Variants in SPTBN1 observed in about 807,000 individuals in gnomAD.
The protein encoded by SPTBN1 is spectrin beta, non-erythrocytic 1.
A neutral mutation model predicts 266.4 loss-of-function variants in SPTBN1; 32 were observed. That is an observed-to-expected ratio of 0.12 (90% CI 0.09 to 0.16). SPTBN1 has a LOEUF of 0.16. SPTBN1 is among the 10% of genes least tolerant of loss of function. SPTBN1 has a pLI of 1.00. For missense variants in SPTBN1, 2,296 were observed against 3,067.1 expected, an observed-to-expected ratio of 0.75 and a Z score of 5.94; for synonymous variants, 1,336 against 1,162.2, an observed-to-expected ratio of 1.15 and a Z score of -3.04.
chr2:54,655,215 T>G lies in SPTBN1; in HGVS notation c.5961+7T>G. On this transcript the variant is annotated splice_region_variant and intron_variant, in intron 28 of 35. Transcript: ENST00000356805. ...ACACTATGCATCTGAGGAGGTAGGT[T>G]GCTACTTTGCTTTGGAGCTGCAGCT... The G allele has an allele frequency of 1.9e-6, 3 of 1,610,372 alleles. No homozygotes were observed. The highest frequency in any genetic ancestry group is 2.5e-6 in the Non-Finnish European group (3 of 1,178,602).
At chr2:54,623,305 A>G (rs1226392110) in intron 9 of SPTBN1, among the ~76,000 whole-genome samples, 174 bp from the exon 10 acceptor site, 1 of 152,238 alleles carries the variant, frequency 6.6e-6, no homozygotes, top group Non-Finnish European at 1.5e-5. Flanking sequence ...ACAACAAAGA[A>G]ATTCCACGGT....
chr2:54,558,973 C>A lies in SPTBN1; in HGVS notation c.148+32407C>A, dbSNP rs545570289. 1.9e-5 allele frequency: 28 copies of A among 1,482,796 alleles called. No individual in the cohort carries two copies. In the African/African-American group the frequency reaches 3.9e-4, roughly 21 times the overall value. 91.9% of individuals were successfully genotyped at this position (1,482,796 alleles called of 1,614,324 possible). On this transcript the variant is annotated intron_variant, in intron 2 of 35. Coordinates refer to ENST00000356805, the MANE Select transcript of SPTBN1 (RefSeq NM_003128.3). The surrounding 1 kb of genome is among the most constrained non-coding windows in gnomAD (Gnocchi z 4.6). ...TATTTGTGACCCTAATGAAGACGGG[C>A]GGCTTCACAGCTCGGCCCCAGACCC...
At chr2:54,589,708 A>G (rs1264068641) in intron 2 of SPTBN1, among the ~76,000 whole-genome samples, 1 of 152,222 alleles carries the variant, frequency 6.6e-6, no homozygotes, top group Non-Finnish European at 1.5e-5. Flanking sequence ...CAGTCAAAAG[A>G]TTAGTTTCCT....
At chr2:54,622,155 G>C (rs1478461981) in intron 8 of SPTBN1, 145 bp from the exon 9 acceptor site, 2 of 729,706 alleles carry the variant, frequency 2.7e-6, no homozygotes, top group Non-Finnish European at 4.4e-6. Context: ...AAATGCTTGT[G>C]CCCAGGTACA....
chr2:54,608,701 C>G (rs990306584), intron 3 of SPTBN1, among the ~76,000 whole-genome samples: 1 of 151,172 alleles, frequency 6.6e-6, no homozygotes, highest in African/African-American at 2.4e-5. Context: ...CATGCGCGCA[C>G]GAGTGCGCGC....
At chr2:54,527,308 G>T (rs1209044705) in intron 2 of SPTBN1, 1 of 152,234 alleles carries the variant, frequency 6.6e-6, no homozygotes, top group Non-Finnish European at 1.5e-5. Context: ...TGAAATTTCA[G>T]ATGAAGTTTA....
At chr2:54,562,554 G>T (rs1673380577) in intron 2 of SPTBN1, among the ~76,000 whole-genome samples, 1 of 13,214 alleles carries the variant, frequency 7.6e-5, no homozygotes. Flanking sequence ...TTGAGGCAAG[G>T]TCTGCTTCTG....
At chr2:54,652,140 C>G (rs1172166133) in intron 26 of SPTBN1, among the ~76,000 whole-genome samples, 1 of 152,146 alleles carries the variant, frequency 6.6e-6, no homozygotes, top group Non-Finnish European at 1.5e-5. Flanking sequence ...GATTGTGTGT[C>G]CATTCCCCTA....
intron 2 of SPTBN1, among the ~76,000 whole-genome samples, chr2:54,552,227 A>G (rs943590352): frequency 3.3e-5 from 5 of 152,240 alleles, no homozygotes; most frequent in African/African-American, 1.2e-4. Flanking sequence ...GATAGAATTA[A>G]TTTTTGAAAT....
In SPTBN1 at chr2:54,558,802, T is replaced by A; in HGVS notation, c.148+32236T>A. ...TAATGGAATTGCAGAGGACGTCTAG[T>A]ATCTCCGGGCCGCTGTCGCCGGCGT... On this transcript the variant is annotated intron_variant, in intron 2 of 35. Coordinates refer to ENST00000356805, the MANE Select transcript of SPTBN1 (RefSeq NM_003128.3). The surrounding 1 kb of genome is among the most constrained non-coding windows in gnomAD (Gnocchi z 4.6). The A allele has an allele frequency of 6.2e-7, 1 of 1,613,712 alleles. No individual in the cohort carries two copies. Among genetic ancestry groups the A allele is most frequent in the Non-Finnish European group, 8.5e-7 (1 of 1,179,756 alleles).
intron 1 of SPTBN1, chr2:54,515,725 C>G (rs1422671955): frequency 6.6e-6 from 1 of 152,178 alleles, no homozygotes; most frequent in Admixed American, 6.5e-5. Context: ...GACGGGCTCA[C>G]TTTGTTGCCC....
chr2:54,462,746 C>T lies in SPTBN1; in HGVS notation c.-48+6228C>T, dbSNP rs564745881. ...ATGTGTGACTTTGGCAAACCTTTAA[C>T]CCTCCGGTCTCAGATCTAATTTTAT... On this transcript the variant is annotated intron_variant, in intron 1 of 35. Coordinates refer to ENST00000356805, the MANE Select transcript of SPTBN1 (RefSeq NM_003128.3). Among the ~76,000 whole-genome samples, 6 of 152,296 alleles carry T rather than the reference C, an allele frequency of 3.9e-5. No homozygotes were observed. The East Asian group carries it at 1.2e-3, about 29-fold the overall frequency.
intron 2 of SPTBN1, among the ~76,000 whole-genome samples, chr2:54,581,578 T>C (rs1410369694): frequency 1.6e-4 from 2 of 12,386 alleles, no homozygotes; most frequent in Non-Finnish European, 3.2e-4. Flanking sequence ...TTCTTTGCCC[T>C]TTTTTTTTTT....
chr2:54,539,433 A>C (rs1864493), intron 2 of SPTBN1, among the ~76,000 whole-genome samples: 122,040 of 152,164 alleles, frequency 0.8, 49,509 homozygotes, highest in African/African-American at 0.94. Context: ...AAGTTCAAAC[A>C]CTGCAGAAGT....
At chr2:54,644,721 G>C in intron 20 of SPTBN1, 135 bp downstream of exon 20, 1 of 1,149,024 alleles carries the variant, frequency 8.7e-7, no homozygotes. Context: ...AATATTACTT[G>C]CTCTAACAGC....
intron 1 of SPTBN1, among the ~76,000 whole-genome samples, chr2:54,522,678 G>GAGAGGAGAGA (rs370803474): frequency 3.8e-5 from 3 of 78,634 alleles, no homozygotes; most frequent in Non-Finnish European, 8.1e-5. Context: ...GAGAGAGAGA[G>GAGAGGAGAGA]GAGAGAGAGA....
chr2:54,506,914 A>G (rs1669597795), intron 1 of SPTBN1, among the ~76,000 whole-genome samples: 1 of 21,210 alleles, frequency 4.7e-5, no homozygotes. Flanking sequence ...TTTTTGAGCA[A>G]CAAGACTGTT....
chr2:54,509,331 C>T (rs941247057), intron 1 of SPTBN1, among the ~76,000 whole-genome samples: 1 of 152,114 alleles, frequency 6.6e-6, no homozygotes, highest in African/African-American at 2.4e-5. Flanking sequence ...CTGTGGGAGA[C>T]TCAACAAAGA....
intron 2 of SPTBN1, chr2:54,528,474 C>T (rs898716142): frequency 6.6e-6 from 1 of 152,488 alleles, no homozygotes; most frequent in Admixed American, 6.5e-5. Context: ...AGCAAGCACT[C>T]AATATAGTAC....
Sources: gnomAD v4.1 joint callset for allele counts (sites outside exome capture counted in the v4.1 genomes callset) on GRCh38, gnomAD v4.1.1 for gene constraint, Gnocchi (gnomAD v3.1) non-coding constraint, MANE v1.5 for transcripts, NCBI Gene and HGNC (gene_info 2026-07-23, HGNC 2026-07-21) for gene names.